Variants in RBBP7 observed in about 807,000 individuals in gnomAD.
The protein encoded by RBBP7 is histone-binding protein RBBP7.
Under a neutral mutation model 35.2 loss-of-function variants are expected in RBBP7, and 5 were observed. The ratio of observed to expected loss-of-function variants is 0.14; its 90% CI spans 0.07 to 0.30. The LOEUF (loss-of-function observed/expected upper bound fraction) is 0.30. Among genes scored for constraint, RBBP7 ranks in the 10% least tolerant of loss-of-function variants. The pLI is 1.00. For synonymous variants in RBBP7, 140 were observed against 118.7 expected (o/e 1.18, Z -1.17); for missense variants, 155 against 327.5 (o/e 0.47, Z 4.07).
intron 8 of RBBP7, 91 bp from the exon 9 acceptor site, chrX:16,852,213 C>T: frequency 1.2e-6 from 1 of 822,966 alleles, no homozygotes; most frequent in Non-Finnish European, 1.8e-6. Context: ...TCCCATCTTG[C>T]ACTCTATTAT....
chrX:16,863,199 A>G, intron 2 of RBBP7, 99 bp from the exon 3 acceptor site: 1 of 856,367 alleles, frequency 1.2e-6, no homozygotes, highest in Non-Finnish European at 1.7e-6. Flanking sequence ...ATATTTCTTT[A>G]GCAAATATAT....
At chrX:16,853,559 T>A (rs981464976) in intron 6 of RBBP7, 123 bp downstream of exon 6, 39 of 589,150 alleles carry the variant, frequency 6.6e-5, no homozygotes, top group Non-Finnish European at 8.1e-5. Flanking sequence ...AGGAGTAAGC[T>A]ACCTAAAGCT....
At chrX:16,854,108 T>C (rs1359688652) in intron 5 of RBBP7, among the ~76,000 whole-genome samples, 1 of 111,421 alleles carries the variant, frequency 9.0e-6, no homozygotes, top group Non-Finnish European at 1.9e-5. Flanking sequence ...GGTCTTGAAC[T>C]CCTGGCCTCA....
intron 2 of RBBP7, among the ~76,000 whole-genome samples, chrX:16,868,466 T>C (rs982611551): frequency 2.7e-5 from 3 of 112,271 alleles, no homozygotes; most frequent in African/African-American, 9.7e-5. Flanking sequence ...ACGTAGATTC[T>C]TCAGATGTGC....
At chrX:16,847,281 G>T (rs977132044) in intron 10 of RBBP7, 8 of 110,050 alleles carry the variant, frequency 7.3e-5, no homozygotes, top group African/African-American at 2.6e-4. Flanking sequence ...GACCATCCTG[G>T]CCAACATGGT....
At position 16,852,708 on chromosome X, in the gene RBBP7, C is replaced by T. The variant is rs777169033; in HGVS notation, c.885+41G>A. ...AATATCTGATTAAGGCACAAGAGAACTGGGTTTTATAAACACCAAATAATG... is the reference window on the plus strand; with the variant it reads ...AATATCTGATTAAGGCACAAGAGAATTGGGTTTTATAAACACCAAATAATG... On this transcript the variant is annotated intron_variant, in intron 7 of 11. Coordinates refer to ENST00000380087, the MANE Select transcript of RBBP7 (RefSeq NM_002893.4). 2.5e-6 allele frequency: 3 copies of T among 1,210,226 alleles called. No individual in the cohort carries two copies. The African/African-American group carries it at 5.2e-5, about 21-fold the overall frequency.
chrX:16,856,781 A>G (rs1286458207), intron 5 of RBBP7, among the ~76,000 whole-genome samples: 1 of 111,819 alleles, frequency 8.9e-6, no homozygotes, highest in Non-Finnish European at 1.9e-5. Context: ...CAGAGATACC[A>G]TATGATCCAA....
intron 9 of RBBP7, 144 bp from the exon 10 acceptor site, chrX:16,849,445 GT>G (rs1040206442): frequency 3.0e-4 from 137 of 450,459 alleles, no homozygotes; most frequent in Middle Eastern, 8.4e-4. Context: ...AATCAATTAG[GT>G]TTTTTTTTTC....
At chrX:16,855,995 CAAAAAAAAAAA>C (rs754398259) in intron 5 of RBBP7, among the ~76,000 whole-genome samples, 2 of 15,995 alleles carry the variant, frequency 1.3e-4, no homozygotes, top group African/African-American at 3.4e-4. Flanking sequence ...GACCTTGTCT[CAAAAAAAAAAA>C]AAAAAAAAAA....
chrX:16,863,623 G>T (rs1329208703), intron 2 of RBBP7, among the ~76,000 whole-genome samples: 1 of 112,436 alleles, frequency 8.9e-6, no homozygotes, highest in East Asian at 2.8e-4. Context: ...CTAAAATGCA[G>T]TTGCTTAAAA....
chrX:16,859,277 C>T (rs1189544786), intron 3 of RBBP7, among the ~76,000 whole-genome samples: 1 of 112,199 alleles, frequency 8.9e-6, no homozygotes, highest in Non-Finnish European at 1.9e-5. Context: ...TTTTAACCCT[C>T]CACAGTATGA....
intron 1 of RBBP7, 53 bp downstream of exon 1, chrX:16,869,985 G>GCGCCCGC: frequency 1.3e-6 from 1 of 756,157 alleles, no homozygotes; most frequent in African/African-American, 2.3e-5. Context: ...GCGGCCTCGC[G>GCGCCCGC]CGCCCGCCGC....
intron 2 of RBBP7, among the ~76,000 whole-genome samples, chrX:16,866,572 AAGAAAGC>A (rs1366484472): frequency 2.0e-4 from 19 of 93,864 alleles, no homozygotes; most frequent in African/African-American, 5.6e-4. Context: ...GAAAGAAAGC[AAGAAAGC>A]AAGAAAGCAA....
chrX:16,849,919 T>C (rs1602415532), intron 9 of RBBP7, among the ~76,000 whole-genome samples: 1 of 112,243 alleles, frequency 8.9e-6, no homozygotes. Flanking sequence ...GAAATGTTTT[T>C]ATGGTTTTTC....
intron 2 of RBBP7, among the ~76,000 whole-genome samples, chrX:16,867,233 C>T (rs1481883873): frequency 8.9e-6 from 1 of 111,809 alleles, no homozygotes; most frequent in Non-Finnish European, 1.9e-5. Context: ...TCTCCATTTA[C>T]AGCCCAGACA....
Position 16,853,791 on chromosome X carries a change from C to A in RBBP7, c.649G>T (p.Asp217Tyr). The change falls in exon 6 of 12, where the codon GAT becomes TAT. Residue 217 changes from aspartate (D) to tyrosine (Y), a missense_variant. By Grantham distance (160) the Asp-to-Tyr change is radical (BLOSUM62 -3). This residue lies in a region of RBBP7 where 79 missense variants were observed against 220.8 expected (regional missense o/e 0.36). Coordinates refer to ENST00000380087, the MANE Select transcript of RBBP7 (RefSeq NM_002893.4). ...NAGPKEGKIV[D>Y]AKAIFTGHSA... ...TGGCCAGTAAAGATGGCTTTAGCATCCACAATTTTGCCTTCTTTTGGTCCT... is the reference window on the plus strand; with the variant it reads ...TGGCCAGTAAAGATGGCTTTAGCATACACAATTTTGCCTTCTTTTGGTCCT... The A allele has an allele frequency of 8.4e-7, 1 of 1,184,474 alleles. No homozygotes were observed. Among genetic ancestry groups the A allele is most frequent in the Non-Finnish European group, 1.1e-6 (1 of 882,979 alleles).
intron 1 of RBBP7, 168 bp downstream of exon 1, chrX:16,869,870 C>A (rs1393187237): frequency 1.3e-5 from 11 of 827,337 alleles, no homozygotes; most frequent in Non-Finnish European, 1.5e-5. Context: ...GCCCTCGGCG[C>A]GGCGGTCCCG....
chrX:16,862,771 C>T (rs946067627), intron 3 of RBBP7, among the ~76,000 whole-genome samples, 184 bp downstream of exon 3: 1 of 111,950 alleles, frequency 8.9e-6, no homozygotes. Context: ...AAGGTTGATC[C>T]TAATTTTTCA....
intron 2 of RBBP7, among the ~76,000 whole-genome samples, chrX:16,868,472 T>C (rs1259887987): frequency 8.9e-6 from 1 of 112,365 alleles, no homozygotes; most frequent in Non-Finnish European, 1.9e-5. Context: ...ATTCTTCAGA[T>C]GTGCCAGGCC....
Sources: gnomAD v4.1 joint callset for allele counts (sites outside exome capture counted in the v4.1 genomes callset) on GRCh38, gnomAD v4.1.1 for gene constraint, gnomAD v4.1.1 regional missense constraint, MANE v1.5 for transcripts, NCBI Gene and HGNC (gene_info 2026-07-23, HGNC 2026-07-21) for gene names.